Variants in OTUD7A observed in about 807,000 individuals in gnomAD.
OTUD7A encodes OTU domain-containing protein 7A.
In OTUD7A, 12 loss-of-function variants were observed where a neutral mutation model predicts 65.7. The observed-to-expected ratio is 0.18, with a 90% CI of 0.12 to 0.30. The LOEUF (loss-of-function observed/expected upper bound fraction) is 0.30, where lower values mean the gene tolerates loss of function less well. Among genes scored for constraint, OTUD7A ranks in the 10% least tolerant of loss-of-function variants. The pLI, the probability that OTUD7A is intolerant of heterozygous loss-of-function variation, is 1.00. For missense variants in OTUD7A, 1,148 were observed against 1,304.8 expected (o/e 0.88, Z 1.85); for synonymous variants, 641 against 586.3 (o/e 1.09, Z -1.35).
At chr15:31,486,600 G>T (rs1447405267) in intron 12 of OTUD7A, among the ~76,000 whole-genome samples, 3 of 60,434 alleles carry the variant, frequency 5.0e-5, no homozygotes, top group African/African-American at 2.2e-4. Flanking sequence ...GCAAGCAGGG[G>T]CAGCCCCGGA....
intron 3 of OTUD7A, among the ~76,000 whole-genome samples, chr15:31,638,826 T>C (rs1022162829): frequency 6.6e-6 from 1 of 152,124 alleles, no homozygotes; most frequent in Non-Finnish European, 1.5e-5. Flanking sequence ...ATACCATACA[T>C]ATATACCACT....
rs538800047 is a variant in OTUD7A at position 31,755,288 on chromosome 15, CA to C, written c.-99-98212del. Among the ~76,000 whole-genome samples the C allele has an allele frequency of 8.4e-4, 128 of 152,238 alleles. No homozygotes were observed. In the Middle Eastern group the frequency reaches 0.014, roughly 16 times the overall value. On this transcript the variant is annotated intron_variant, in intron 1 of 12. Coordinates refer to ENST00000307050, the MANE Select transcript of OTUD7A (RefSeq NM_001382637.1). ...ATGGTGCCAGAAGCATTTGAAAACA[CA>C]AGAGAACTTCTTCATATATCTGAGG...
At chr15:31,553,139 A>G (rs543674721) in intron 5 of OTUD7A, among the ~76,000 whole-genome samples, 1 of 151,968 alleles carries the variant, frequency 6.6e-6, no homozygotes, top group Non-Finnish European at 1.5e-5. Context: ...TTACTGGCAT[A>G]TTTGGCACCA....
chr15:31,511,711 T>C (rs71474666), intron 8 of OTUD7A, among the ~76,000 whole-genome samples: 2,835 of 126,714 alleles, frequency 0.022, 1,138 homozygotes, highest in Admixed American at 0.031. Flanking sequence ...GTAACACACA[T>C]ATATATGTAT....
chr15:31,510,998 G>GTATATCTATATGTAACATACATT (rs2041701445), intron 8 of OTUD7A, among the ~76,000 whole-genome samples: 1 of 87,224 alleles, frequency 1.1e-5, no homozygotes, highest in Non-Finnish European at 2.0e-5. Context: ...TGTAACATAT[G>GTATATCTATATGTAACATACATT]TATATCTATA....
rs117791112 is a variant in OTUD7A at position 31,602,752 on chromosome 15, G to A, written c.152-32555C>T. Among the ~76,000 whole-genome samples, 819 of 152,194 alleles carry A rather than the reference G, an allele frequency of 5.4e-3. 4 individuals carry two copies. The highest frequency in any genetic ancestry group is 8.0e-3 in the Non-Finnish European group (545 of 67,982). Reference sequence around the variant, plus strand: ...CCTTAAGCTGATAAGTAACTTCAGCGAAATCTCGGGATACAAAATCAATGT... The same window carrying A: ...CCTTAAGCTGATAAGTAACTTCAGCAAAATCTCGGGATACAAAATCAATGT... On this transcript the variant is annotated intron_variant, in intron 3 of 12. Transcript: ENST00000307050.
At chr15:31,604,440 G>C (rs965631810) in intron 3 of OTUD7A, among the ~76,000 whole-genome samples, 7 of 151,824 alleles carry the variant, frequency 4.6e-5, no homozygotes, top group African/African-American at 1.7e-4. Flanking sequence ...ATCGGGGCCT[G>C]TTGAGGGGTG....
intron 3 of OTUD7A, among the ~76,000 whole-genome samples, chr15:31,607,728 G>A (rs898820739): frequency 2.0e-5 from 3 of 152,192 alleles, no homozygotes; most frequent in African/African-American, 7.2e-5. Context: ...AATTACCTAC[G>A]GTACTGAGTG....
chr15:31,786,797 C>T (rs1485632125), intron 1 of OTUD7A, among the ~76,000 whole-genome samples: 5 of 152,140 alleles, frequency 3.3e-5, no homozygotes, highest in African/African-American at 1.2e-4. Flanking sequence ...AGCTATGTGG[C>T]TCAGAGTCGA....
intron 1 of OTUD7A, among the ~76,000 whole-genome samples, chr15:31,829,350 T>C (rs1896875109): frequency 6.6e-6 from 1 of 152,206 alleles, no homozygotes; most frequent in African/African-American, 2.4e-5. Flanking sequence ...CTCCCACATT[T>C]GATCTTTCAT....
In OTUD7A at chr15:31,622,953, C is replaced by A. The variant is rs189384516; in HGVS notation, c.151+32143G>T. On this transcript the variant is annotated intron_variant, in intron 3 of 12. Coordinates refer to ENST00000307050, the MANE Select transcript of OTUD7A (RefSeq NM_001382637.1). ...ACAGATGGGGTTTTGGTGTGGATGT[C>A]CTTTCTGTTTGTTAGTTTTCCTTCT... Among the ~76,000 whole-genome samples, 1,148 of 152,198 alleles carry A rather than the reference C, an allele frequency of 7.5e-3. 14 individuals are homozygous for A. Among genetic ancestry groups the A allele is most frequent in the African/African-American group, 0.026 (1,088 of 41,530 alleles).
intron 8 of OTUD7A, among the ~76,000 whole-genome samples, chr15:31,510,008 T>C (rs968161725): frequency 1.3e-5 from 2 of 152,012 alleles, no homozygotes; most frequent in Admixed American, 6.5e-5. Context: ...TCCTTTTTTT[T>C]TCCCGGTCTT....
At position 31,806,581 on chromosome 15, in the gene OTUD7A, A is replaced by G. The variant is rs78147890; in HGVS notation, c.-100+63926T>C. On this transcript the variant is annotated intron_variant, in intron 1 of 12. Transcript: ENST00000307050. ...CTAGTGGGTTGCTGCAAAGCCAACA[A>G]GGACCCCCAATGACCACTGCTGGTC... Among the ~76,000 whole-genome samples, 41 of 152,300 alleles carry G rather than the reference A, an allele frequency of 2.7e-4. No homozygotes were observed. The East Asian group carries it at 7.3e-3, about 27-fold the overall frequency.
chr15:31,676,254 C>T (rs1318773688), intron 1 of OTUD7A, among the ~76,000 whole-genome samples: 1 of 152,112 alleles, frequency 6.6e-6, no homozygotes, highest in East Asian at 1.9e-4. Context: ...AACTTCCCAT[C>T]CAATACCCAT....
chr15:31,664,294 T>TGTAGAAGTAC (rs752364714), intron 1 of OTUD7A, among the ~76,000 whole-genome samples: 1 of 87,594 alleles, frequency 1.1e-5, no homozygotes, highest in Non-Finnish European at 2.1e-5. Flanking sequence ...CACCAGAACA[T>TGTAGAAGTAC]TCCCTGTTCA....
chr15:31,600,282 A>AAGCCCATCAGACT (rs1890035559), intron 3 of OTUD7A, among the ~76,000 whole-genome samples: 2 of 152,234 alleles, frequency 1.3e-5, no homozygotes, highest in Admixed American at 1.3e-4. Context: ...CCACAAAGGG[A>AAGCCCATCAGACT]AGCCCATCAG....
intron 1 of OTUD7A, among the ~76,000 whole-genome samples, chr15:31,844,998 C>T (rs530917739): frequency 1.3e-5 from 2 of 152,294 alleles, no homozygotes; most frequent in Admixed American, 1.3e-4. Flanking sequence ...CCTGCTACCC[C>T]CAGCAAACAG....
At chr15:31,538,986 T>C (rs1887896538) in intron 5 of OTUD7A, among the ~76,000 whole-genome samples, 1 of 152,206 alleles carries the variant, frequency 6.6e-6, no homozygotes, top group African/African-American at 2.4e-5. Context: ...TACTATTAAA[T>C]GCTGACGAAT....
chr15:31,682,837 C>T (rs929212881), intron 1 of OTUD7A, among the ~76,000 whole-genome samples: 2 of 152,118 alleles, frequency 1.3e-5, no homozygotes, highest in Non-Finnish European at 2.9e-5. Context: ...CTTCTGTGTG[C>T]ATGTTTATGT....
Sources: allele counts gnomAD v4.1 joint callset (sites outside exome capture counted in the v4.1 genomes callset), GRCh38; gene constraint gnomAD v4.1.1; transcripts MANE v1.5; gene names NCBI Gene and HGNC (gene_info 2026-07-23, HGNC 2026-07-21).